Variants in MED13 observed in about 807,000 individuals in gnomAD.
The protein encoded by MED13 is mediator of RNA polymerase II transcription subunit 13.
Under a neutral mutation model 225.2 loss-of-function variants are expected in MED13, and 23 were observed. The observed-to-expected ratio is 0.10, with a 90% CI of 0.07 to 0.14. The LOEUF (loss-of-function observed/expected upper bound fraction) is 0.14. MED13 is among the 10% of genes least tolerant of loss of function. The pLI is 1.00. For missense variants in MED13, 2,197 were observed against 2,594.5 expected, an observed-to-expected ratio of 0.85 and a Z score of 3.33; for synonymous variants, 942 against 889.2, an observed-to-expected ratio of 1.06 and a Z score of -1.06.
At chr17:61,956,049 C>T (rs2079941199) in intron 24 of MED13, among the ~76,000 whole-genome samples, 1 of 152,062 alleles carries the variant, frequency 6.6e-6, no homozygotes, top group African/African-American at 2.4e-5. Flanking sequence ...TATTAGGATA[C>T]ACCAAATTCA....
intron 11 of MED13, among the ~76,000 whole-genome samples, chr17:61,987,766 T>G (rs2080260817): frequency 6.6e-6 from 1 of 152,130 alleles, no homozygotes; most frequent in Non-Finnish European, 1.5e-5. Context: ...TTTCTTTTTT[T>G]TGAGACGGGG....
intron 17 of MED13, among the ~76,000 whole-genome samples, chr17:61,970,706 C>A (rs1433462300): frequency 1.6e-5 from 2 of 124,710 alleles, no homozygotes; most frequent in Admixed American, 8.4e-5. Context: ...AAAAAAAAGG[C>A]ATTACAGATA....
At chr17:61,962,244 C>A (rs1340247763) in intron 21 of MED13, among the ~76,000 whole-genome samples, 12 of 152,116 alleles carry the variant, frequency 7.9e-5, no homozygotes, top group Non-Finnish European at 8.8e-5. Context: ...CGAGATCACG[C>A]CACTGCACTC....
intron 9 of MED13, chr17:62,006,298 G>GAAA (rs1567972726): frequency 1.7e-5 from 1 of 60,078 alleles, no homozygotes. Flanking sequence ...GGGGGGGAGG[G>GAAA]AAAAAGAAAA....
intron 17 of MED13, among the ~76,000 whole-genome samples, chr17:61,970,182 A>G (rs919549683): frequency 6.6e-6 from 1 of 152,244 alleles, no homozygotes; most frequent in African/African-American, 2.4e-5. Context: ...ATGAGAAAAC[A>G]TAAATGAGGA....
At chr17:62,018,339 G>A (rs546046720) in intron 8 of MED13, among the ~76,000 whole-genome samples, 2 of 152,238 alleles carry the variant, frequency 1.3e-5, no homozygotes, top group Middle Eastern at 3.4e-3. Context: ...AATATAAATT[G>A]TAAAAACAAT....
At chr17:62,017,964 ATAAAC>A (rs1451099546) in intron 8 of MED13, among the ~76,000 whole-genome samples, 1 of 152,236 alleles carries the variant, frequency 6.6e-6, no homozygotes, top group African/African-American at 2.4e-5. Flanking sequence ...GGACTGGTAG[ATAAAC>A]TAAGATTATC....
In MED13 at chr17:62,056,277, A is replaced by G. The variant is rs1454504888; in HGVS notation, c.302-3572T>C. 2.0e-5 allele frequency among the ~76,000 whole-genome samples: 3 copies of G among 152,208 alleles called. No homozygotes were observed. The East Asian group carries it at 5.8e-4, about 29-fold the overall frequency. On this transcript the variant is annotated intron_variant, in intron 2 of 29. Coordinates refer to ENST00000397786, the MANE Select transcript of MED13 (RefSeq NM_005121.3). ...ACGTTGTATTCAGATACGAAAAGTG[A>G]AATGGTACAACCAACCCACTCAAGG...
chr17:62,021,885 G>C (rs2143642732), intron 8 of MED13, among the ~76,000 whole-genome samples: 1 of 152,150 alleles, frequency 6.6e-6, no homozygotes, highest in South Asian at 2.1e-4. Context: ...TCCTTCTAAA[G>C]CCTGGGCACA....
At chr17:62,013,601 C>G (rs2080532538) in intron 8 of MED13, among the ~76,000 whole-genome samples, 1 of 151,672 alleles carries the variant, frequency 6.6e-6, no homozygotes, top group South Asian at 2.1e-4. Context: ...AATAATTTCT[C>G]AAGATTAAGA....
At chr17:62,047,567 A>G (rs1007529078) in intron 3 of MED13, among the ~76,000 whole-genome samples, 1 of 152,136 alleles carries the variant, frequency 6.6e-6, no homozygotes, top group Admixed American at 6.6e-5. Flanking sequence ...GATAGGGAGC[A>G]TGGAGAGGGA....
intron 21 of MED13, among the ~76,000 whole-genome samples, 178 bp downstream of exon 21, chr17:61,962,574 T>C (rs139670478): frequency 3.3e-5 from 5 of 152,318 alleles, no homozygotes; most frequent in African/African-American, 1.2e-4. Flanking sequence ...GTCATATGAC[T>C]ATAAAGTTTA....
At chr17:62,006,207 T>A (rs1458961739) in intron 9 of MED13, 2 of 126,862 alleles carry the variant, frequency 1.6e-5, no homozygotes, top group African/African-American at 6.2e-5. Context: ...CGGACAGAAA[T>A]GAGAAGAAGG....
At chr17:61,960,689 TA>T (rs1298976110) in intron 23 of MED13, among the ~76,000 whole-genome samples, 177 bp downstream of exon 23, 2 of 152,132 alleles carry the variant, frequency 1.3e-5, no homozygotes, top group Non-Finnish European at 2.9e-5. Context: ...AAATTATTTT[TA>T]ATTATGTTAG....
intron 3 of MED13, among the ~76,000 whole-genome samples, chr17:62,048,398 CAAAAAAAAAAAA>C (rs555420453): frequency 2.8e-4 from 19 of 68,082 alleles, no homozygotes; most frequent in Admixed American, 8.5e-4. Context: ...GAGACTGTTT[CAAAAAAAAAAAA>C]AAAAAAAAAA....
chr17:61,951,901 C>A (rs1010652223), intron 27 of MED13, among the ~76,000 whole-genome samples: 1 of 152,000 alleles, frequency 6.6e-6, no homozygotes, highest in Admixed American at 6.6e-5. Context: ...TATATAATTT[C>A]TTTTCTTTTT....
At chr17:62,004,539 T>C (rs968962669) in intron 9 of MED13, 8 of 152,184 alleles carry the variant, frequency 5.3e-5, no homozygotes, top group African/African-American at 1.7e-4. Flanking sequence ...GCTTGGCTTT[T>C]TGAATAATTT....
chr17:61,983,264 T>C, intron 15 of MED13, 150 bp from the exon 16 acceptor site: 1 of 666,572 alleles, frequency 1.5e-6, no homozygotes, highest in Non-Finnish European at 2.4e-6. Flanking sequence ...GCACAGTCAA[T>C]TCTTATTTCT....
chr17:61,951,806 G>T (rs1222255964), intron 27 of MED13, among the ~76,000 whole-genome samples: 3 of 152,178 alleles, frequency 2.0e-5, no homozygotes, highest in Non-Finnish European at 2.9e-5. Context: ...AGGAAGGAAT[G>T]CAAAGTAAGA....
Sources: allele counts gnomAD v4.1 joint callset (sites outside exome capture counted in the v4.1 genomes callset), GRCh38; gene constraint gnomAD v4.1.1; transcripts MANE v1.5; gene names NCBI Gene and HGNC (gene_info 2026-07-23, HGNC 2026-07-21).